RTN4RL1: variants seen among roughly 807,000 people sequenced by gnomAD.
RTN4RL1 encodes the protein reticulon-4 receptor-like 1.
RTN4RL1 carries 7 observed loss-of-function variants against 25.6 expected under a neutral mutation model. That is an observed-to-expected ratio of 0.27 (90% CI 0.16 to 0.51). The LOEUF is 0.51. Among genes scored for constraint, RTN4RL1 ranks in the 20% least tolerant of loss-of-function variants. RTN4RL1 has a pLI of 0.97. For synonymous variants in RTN4RL1, 297 were observed against 288.2 expected (o/e 1.03, Z -0.31); for missense variants, 500 against 615.6 (o/e 0.81, Z 1.99).
At chr17:1,992,058 A>C (rs2066911126) in intron 1 of RTN4RL1, among the ~76,000 whole-genome samples, 1 of 144,798 alleles carries the variant, frequency 6.9e-6, no homozygotes, top group African/African-American at 2.5e-5. Context: ...CAAGGGTTGG[A>C]CTGCATGCAG....
chr17:2,023,049 C>T (rs2067229364), intron 1 of RTN4RL1, among the ~76,000 whole-genome samples: 2 of 152,188 alleles, frequency 1.3e-5, no homozygotes, highest in Non-Finnish European at 1.5e-5. Context: ...AGTGTGTGGG[C>T]TGCTTGGTGG....
rs1416937169 is a variant in RTN4RL1 at position 2,024,839 on chromosome 17, C to T, written c.13+14G>A. 7 of 1,574,662 alleles carry T rather than the reference C, an allele frequency of 4.4e-6. No individual in the cohort carries two copies. The Admixed American group carries it at 9.0e-5, about 20-fold the overall frequency. The stretch of plus-strand genomic sequence containing the variant: ...CGCATTCAACTTCAACTTGCCCCTG[C>T]GGCTCCAACTCACCTTTGCGAAGCA... On this transcript the variant is annotated intron_variant, in intron 1 of 1. Transcript: ENST00000331238.
chr17:2,015,127 TG>T (rs2067103233), intron 1 of RTN4RL1, among the ~76,000 whole-genome samples: 1 of 151,356 alleles, frequency 6.6e-6, no homozygotes, highest in Non-Finnish European at 1.5e-5. Flanking sequence ...TGGGCTCAGG[TG>T]GAGGCACAGC....
intron 1 of RTN4RL1, among the ~76,000 whole-genome samples, chr17:2,023,030 T>C (rs1045981032): frequency 3.3e-5 from 5 of 152,302 alleles, no homozygotes; most frequent in African/African-American, 9.6e-5. Context: ...ACCTAAACCA[T>C]ATAAATAAAG....
At chr17:2,012,596 G>A (rs1567527278) in intron 1 of RTN4RL1, among the ~76,000 whole-genome samples, 1 of 146,694 alleles carries the variant, frequency 6.8e-6, no homozygotes, top group South Asian at 2.2e-4. Flanking sequence ...TTCTCTCTCT[G>A]TTTTTTTTTT....
chr17:1,979,883 T>G (rs1202440796), intron 1 of RTN4RL1, among the ~76,000 whole-genome samples: 1 of 152,110 alleles, frequency 6.6e-6, no homozygotes, highest in East Asian at 1.9e-4. Context: ...GACCCGGAAT[T>G]GCGTGGAGAA....
intron 1 of RTN4RL1, among the ~76,000 whole-genome samples, chr17:1,995,374 C>T (rs1196099064): frequency 1.3e-5 from 2 of 148,912 alleles, no homozygotes; most frequent in South Asian, 2.1e-4. Flanking sequence ...TGCAGTGAGC[C>T]GAGATTGCGC....
rs1460850690 is a variant in RTN4RL1 at position 1,994,398 on chromosome 17, C to T, written c.13+30455G>A. Among the ~76,000 whole-genome samples the T allele has an allele frequency of 1.3e-5, 2 of 152,180 alleles. No individual in the cohort carries two copies. The highest frequency in any genetic ancestry group is 4.8e-5 in the African/African-American group (2 of 41,438). ...CTACCAGCTCTCCCAGCCAGGGACA[C>T]ACTTGGTCCCTCCTCGGGCAAAAGC... On this transcript the variant is annotated intron_variant, in intron 1 of 1. Coordinates refer to ENST00000331238, the MANE Select transcript of RTN4RL1 (RefSeq NM_178568.4). The surrounding 1 kb of genome is among the most constrained non-coding windows in gnomAD (Gnocchi z 4.3).
At chr17:1,985,710 G>A (rs868178708) in intron 1 of RTN4RL1, among the ~76,000 whole-genome samples, 11 of 152,138 alleles carry the variant, frequency 7.2e-5, no homozygotes, top group African/African-American at 2.2e-4. Flanking sequence ...GATGTAGGAA[G>A]CCAGCCGTCT....
At position 1,994,096 on chromosome 17, in the gene RTN4RL1, C is replaced by T. The variant is rs2066920275; in HGVS notation, c.13+30757G>A. Among the ~76,000 whole-genome samples, 1 of 152,134 alleles carries T rather than the reference C, an allele frequency of 6.6e-6. No homozygotes were observed. Among genetic ancestry groups the T allele is most frequent in the South Asian group, 2.1e-4 (1 of 4,834 alleles). On this transcript the variant is annotated intron_variant, in intron 1 of 1. Coordinates refer to ENST00000331238, the MANE Select transcript of RTN4RL1 (RefSeq NM_178568.4). This position sits in a 1 kb window ranked among gnomAD's most constrained non-coding sequence, Gnocchi z 4.3. Reference sequence around the variant, plus strand: ...CCTCAGGACACGTGCACTCGAACCTCGCCGCTCCGGGTCCCAATCTGTGGA... The same window carrying T: ...CCTCAGGACACGTGCACTCGAACCTTGCCGCTCCGGGTCCCAATCTGTGGA...
At chr17:1,950,846 CAAAAAAAAAAAAAAA>C (rs61660812) in intron 1 of RTN4RL1, among the ~76,000 whole-genome samples, 6 of 17,788 alleles carry the variant, frequency 3.4e-4, no homozygotes, top group Middle Eastern at 0.024. Flanking sequence ...ACACAGTCTC[CAAAAAAAAAAAAAAA>C]AAAAAAAAAA....
At chr17:1,961,965 GA>G (rs1255285488) in intron 1 of RTN4RL1, among the ~76,000 whole-genome samples, 3 of 145,228 alleles carry the variant, frequency 2.1e-5, no homozygotes, top group Admixed American at 1.4e-4. Flanking sequence ...AAAAAGAAAA[GA>G]AAAGAAAGAA....
chr17:2,024,103 C>G (rs1460313928), intron 1 of RTN4RL1, among the ~76,000 whole-genome samples: 1 of 152,150 alleles, frequency 6.6e-6, no homozygotes, highest in Admixed American at 6.5e-5. Context: ...GCGGGACTTC[C>G]CCGGTGCCCG....
chr17:1,947,142 T>C (rs1199769978), intron 1 of RTN4RL1, among the ~76,000 whole-genome samples: 1 of 151,410 alleles, frequency 6.6e-6, no homozygotes, highest in Non-Finnish European at 1.5e-5. Flanking sequence ...ATGTTGAATG[T>C]GTGTCTGTGT....
Position 1,994,951 on chromosome 17 carries a change from T to C in RTN4RL1, c.13+29902A>G, listed in dbSNP as rs530084119. ...CATCTCTAAAAAAAAAAAAAAATCA[T>C]GAAATGAGATGACAGAGGCTGTCAA... On this transcript the variant is annotated intron_variant, in intron 1 of 1. Coordinates refer to ENST00000331238, the MANE Select transcript of RTN4RL1 (RefSeq NM_178568.4). This position sits in a 1 kb window ranked among gnomAD's most constrained non-coding sequence, Gnocchi z 4.3. Among the ~76,000 whole-genome samples, 32 of 148,210 alleles carry C rather than the reference T, an allele frequency of 2.2e-4. No individual in the cohort carries two copies. The highest frequency in any genetic ancestry group is 3.0e-5 in the Non-Finnish European group (2 of 67,304).
intron 1 of RTN4RL1, among the ~76,000 whole-genome samples, chr17:1,984,416 T>C (rs550883406): frequency 6.6e-6 from 1 of 152,108 alleles, no homozygotes; most frequent in African/African-American, 2.4e-5. Context: ...CAGGCTGGAG[T>C]GCAGTGGCCC....
intron 1 of RTN4RL1, among the ~76,000 whole-genome samples, chr17:1,942,006 A>G (rs1211908843): frequency 6.6e-6 from 1 of 152,140 alleles, no homozygotes; most frequent in Non-Finnish European, 1.5e-5. Flanking sequence ...GCATTTTAAG[A>G]TTGCAAATTA....
chr17:1,939,363 T>TAAAC (rs1441507673), intron 1 of RTN4RL1, among the ~76,000 whole-genome samples: 3 of 150,536 alleles, frequency 2.0e-5, no homozygotes, highest in Non-Finnish European at 3.0e-5. Context: ...AATAAATAAA[T>TAAAC]AAATAAATAA....
At chr17:1,979,091 G>A (rs1249080830) in intron 1 of RTN4RL1, among the ~76,000 whole-genome samples, 1 of 152,196 alleles carries the variant, frequency 6.6e-6, no homozygotes, top group Non-Finnish European at 1.5e-5. Context: ...TGGCCAACAC[G>A]GTGAAACACC....
Sources: gnomAD v4.1 joint callset for allele counts (sites outside exome capture counted in the v4.1 genomes callset) on GRCh38, gnomAD v4.1.1 for gene constraint, Gnocchi (gnomAD v3.1) non-coding constraint, MANE v1.5 for transcripts, NCBI Gene and HGNC (gene_info 2026-07-23, HGNC 2026-07-21) for gene names.